The following SGCZ variants were observed in gnomAD, a reference collection of about 807,000 sequenced individuals.
SGCZ encodes the protein sarcoglycan zeta, also known as zeta-sarcoglycan.
SGCZ carries 40 observed loss-of-function variants against 41.3 expected under a neutral mutation model. The ratio of observed to expected loss-of-function variants is 0.97; its 90% CI spans 0.75 to 1.26. SGCZ has a LOEUF of 1.26. Among genes scored for constraint, SGCZ ranks in the 50% most tolerant of loss-of-function variants. The probability of loss-of-function intolerance (pLI) is 0.00; values close to 1 mark genes in which losing one functional copy is unlikely to be tolerated. For synonymous variants in SGCZ, 206 were observed against 137.5 expected (o/e 1.50, Z -3.49); for missense variants, 552 against 369.8 (o/e 1.49, Z -4.04).
intron 5 of SGCZ, among the ~76,000 whole-genome samples, chr8:14,124,909 C>T (rs1370330451): frequency 2.0e-5 from 3 of 151,976 alleles, no homozygotes; most frequent in Admixed American, 2.0e-4. Flanking sequence ...ATGAAGCTGA[C>T]CAAAAGTTCC....
At chr8:14,548,501 A>G (rs1331439645) in intron 2 of SGCZ, among the ~76,000 whole-genome samples, 1 of 152,192 alleles carries the variant, frequency 6.6e-6, no homozygotes, top group Non-Finnish European at 1.5e-5. Context: ...ATGAATGCTT[A>G]CAGGTAAAAG....
intron 1 of SGCZ, among the ~76,000 whole-genome samples, chr8:14,656,447 C>G (rs113327000): frequency 6.9e-6 from 1 of 144,746 alleles, no homozygotes; most frequent in African/African-American, 2.6e-5. Context: ...TCTATCCCTC[C>G]CTTCCTTCTT....
intron 1 of SGCZ, among the ~76,000 whole-genome samples, chr8:14,635,457 G>A (rs1025466328): frequency 1.3e-5 from 2 of 151,874 alleles, no homozygotes; most frequent in South Asian, 2.1e-4. Flanking sequence ...AGTGTTATGT[G>A]ACAACTACAG....
At chr8:14,365,091 C>G (rs1447273819) in intron 2 of SGCZ, among the ~76,000 whole-genome samples, 2 of 152,046 alleles carry the variant, frequency 1.3e-5, no homozygotes, top group African/African-American at 4.8e-5. Flanking sequence ...ATATTGTAAA[C>G]AGCATGCCCT....
chr8:14,451,711 A>G (rs918335670), intron 2 of SGCZ, among the ~76,000 whole-genome samples: 3 of 152,224 alleles, frequency 2.0e-5, no homozygotes, highest in African/African-American at 7.2e-5. Flanking sequence ...ACACTGCATG[A>G]TATACAAGTG....
At chr8:15,159,998 TTTG>T (rs1799462916) in intron 1 of SGCZ, among the ~76,000 whole-genome samples, 1 of 151,918 alleles carries the variant, frequency 6.6e-6, no homozygotes, top group Non-Finnish European at 1.5e-5. Context: ...ACCTGATTTT[TTTG>T]TTGTTTTTCA....
At chr8:15,145,966 A>C (rs1381461558) in intron 1 of SGCZ, among the ~76,000 whole-genome samples, 1 of 152,186 alleles carries the variant, frequency 6.6e-6, no homozygotes, top group Non-Finnish European at 1.5e-5. Flanking sequence ...AGAATGGGTG[A>C]GGGGGTAACA....
chr8:14,499,636 T>C (rs889646414), intron 2 of SGCZ, among the ~76,000 whole-genome samples: 1 of 152,084 alleles, frequency 6.6e-6, no homozygotes, highest in Admixed American at 6.6e-5. Flanking sequence ...CAGGTCAGAA[T>C]TTCTTCTGCT....
At chr8:14,119,811 T>C (rs765201326) in intron 5 of SGCZ, among the ~76,000 whole-genome samples, 1 of 152,188 alleles carries the variant, frequency 6.6e-6, no homozygotes, top group Non-Finnish European at 1.5e-5. Context: ...CTGAATCTAT[T>C]TAGATAATCG....
intron 4 of SGCZ, among the ~76,000 whole-genome samples, chr8:14,185,338 G>T (rs1346361500): frequency 2.0e-5 from 3 of 152,064 alleles, no homozygotes; most frequent in Non-Finnish European, 4.4e-5. Flanking sequence ...GGGAGGCGTA[G>T]GTTGCAGTGA....
At chr8:14,118,702 A>G (rs1159191548) in intron 5 of SGCZ, among the ~76,000 whole-genome samples, 3 of 152,076 alleles carry the variant, frequency 2.0e-5, no homozygotes, top group African/African-American at 7.2e-5. Context: ...TAGGTGTTAC[A>G]TTTAGGTCTG....
At chr8:14,102,529 G>T in intron 6 of SGCZ, 30 bp from the exon 7 acceptor site, 1 of 1,321,458 alleles carries the variant, frequency 7.6e-7, no homozygotes, top group Non-Finnish European at 9.8e-7. Flanking sequence ...TCATTAATAG[G>T]AAAAAAAAAC....
At chr8:14,390,569 A>G (rs1215344588) in intron 2 of SGCZ, among the ~76,000 whole-genome samples, 1 of 151,944 alleles carries the variant, frequency 6.6e-6, no homozygotes, top group Non-Finnish European at 1.5e-5. Context: ...CTGATTTAAA[A>G]TTTTTTTAAA....
rs567796006 is a variant in SGCZ at position 14,620,118 on chromosome 8, C to A, written c.40-65192G>T. Among the ~76,000 whole-genome samples, 11 of 152,128 alleles carry A rather than the reference C, an allele frequency of 7.2e-5. No homozygotes were observed. The East Asian group carries it at 1.7e-3, about 24-fold the overall frequency. Reference sequence around the variant, plus strand: ...TATAGACCAATGGAACAGAACAGAGCCCTCCAAATAATACCACACATCTAC... The same window carrying A: ...TATAGACCAATGGAACAGAACAGAGACCTCCAAATAATACCACACATCTAC... On this transcript the variant is annotated intron_variant, in intron 1 of 7. Transcript: ENST00000382080.
intron 2 of SGCZ, among the ~76,000 whole-genome samples, chr8:14,439,954 C>A (rs887104688): frequency 6.6e-6 from 1 of 151,494 alleles, no homozygotes; most frequent in Non-Finnish European, 1.5e-5. Context: ...ATTTGGTTCA[C>A]GGACTTCTTG....
chr8:15,027,662 G>A (rs1803508693), intron 1 of SGCZ, among the ~76,000 whole-genome samples: 1 of 152,004 alleles, frequency 6.6e-6, no homozygotes, highest in Non-Finnish European at 1.5e-5. Context: ...CTTCAGATAT[G>A]AACATCAGAT....
At chr8:15,070,102 A>C (rs1178701244) in intron 1 of SGCZ, among the ~76,000 whole-genome samples, 1 of 152,148 alleles carries the variant, frequency 6.6e-6, no homozygotes, top group East Asian at 1.9e-4. Flanking sequence ...CTTGTGCTAC[A>C]TGTCATTCCT....
At position 14,087,110 on chromosome 8, in the gene SGCZ, TG is replaced by T. The variant is rs1288863317; in HGVS notation, c.*3332del. ...TCCTAAGTTACAGTAAAATTTGAGGTGTATAATTGTCTTAAACTCTTAGATA... is the reference window on the plus strand; with the variant it reads ...TCCTAAGTTACAGTAAAATTTGAGGTTATAATTGTCTTAAACTCTTAGATA... On this transcript the variant is annotated 3_prime_UTR_variant, in exon 8 of 8. Coordinates refer to ENST00000382080, the MANE Select transcript of SGCZ (RefSeq NM_139167.4). Among the ~76,000 whole-genome samples the T allele has an allele frequency of 6.6e-6, 1 of 151,594 alleles. No individual in the cohort carries two copies. Among genetic ancestry groups the T allele is most frequent in the African/African-American group, 2.4e-5 (1 of 41,370 alleles).
chr8:14,568,655 A>C (rs766474121), intron 1 of SGCZ, among the ~76,000 whole-genome samples: 1 of 152,084 alleles, frequency 6.6e-6, no homozygotes, highest in Non-Finnish European at 1.5e-5. Context: ...AGATATGAAA[A>C]ATCACTTTTG....
Sources: gnomAD v4.1 joint callset for allele counts (sites outside exome capture counted in the v4.1 genomes callset) on GRCh38, gnomAD v4.1.1 for gene constraint, MANE v1.5 for transcripts, NCBI Gene and HGNC (gene_info 2026-07-23, HGNC 2026-07-21) for gene names.